The following NEDD1 variants were observed in gnomAD, a reference collection of about 807,000 sequenced individuals.
NEDD1 encodes the protein NEDD1 gamma-tubulin ring complex targeting factor, also known as protein NEDD1.
A neutral mutation model predicts 74.0 loss-of-function variants in NEDD1; 33 were observed. The ratio of observed to expected loss-of-function variants is 0.45; its 90% CI spans 0.34 to 0.60. NEDD1 has a LOEUF of 0.60. Among genes scored for constraint, NEDD1 ranks in the 20% least tolerant of loss-of-function variants. The pLI is 0.01. For missense variants in NEDD1, 746 were observed against 776.5 expected (o/e 0.96, Z 0.47); for synonymous variants, 250 against 264.4 (o/e 0.95, Z 0.53).
intron 6 of NEDD1, among the ~76,000 whole-genome samples, chr12:96,933,018 A>C (rs939980832): frequency 6.8e-6 from 1 of 146,636 alleles, no homozygotes; most frequent in African/African-American, 2.6e-5. Context: ...TTTTTTTTTA[A>C]ATAGTCTGCC....
chr12:96,932,927 T>A (rs1293499862), intron 6 of NEDD1, among the ~76,000 whole-genome samples: 1 of 151,820 alleles, frequency 6.6e-6, no homozygotes, highest in Non-Finnish European at 1.5e-5. Flanking sequence ...TTCACCTAAA[T>A]CATACAGAGG....
chr12:96,935,825 A>G (rs1294191688), intron 7 of NEDD1, among the ~76,000 whole-genome samples: 3 of 150,670 alleles, frequency 2.0e-5, no homozygotes, highest in African/African-American at 7.5e-5. Context: ...GTTAGCTAAA[A>G]AACAAAAACA....
At chr12:96,950,912 A>G (rs1878649112) in intron 14 of NEDD1, among the ~76,000 whole-genome samples, 1 of 151,938 alleles carries the variant, frequency 6.6e-6, no homozygotes, top group African/African-American at 2.4e-5. Flanking sequence ...TTTATTGAGT[A>G]AGCCATGCTA....
At chr12:96,935,395 G>A (rs1876988937) in intron 7 of NEDD1, among the ~76,000 whole-genome samples, 190 bp downstream of exon 7, 1 of 152,082 alleles carries the variant, frequency 6.6e-6, no homozygotes, top group Non-Finnish European at 1.5e-5. Context: ...GTAGTATTTA[G>A]GGTACTTCTG....
At position 96,936,607 on chromosome 12, in the gene NEDD1, A is replaced by C; in HGVS notation, c.720-4A>C. On this transcript the variant is annotated splice_polypyrimidine_tract_variant and splice_region_variant and intron_variant, in intron 7 of 15. Transcript: ENST00000266742. Reference sequence around the variant, plus strand: ...CTACACATACTTTGTTCTCCTTTCCAAAGGCTAGTGAAAACTTTAGTGGCT... The same window carrying C: ...CTACACATACTTTGTTCTCCTTTCCCAAGGCTAGTGAAAACTTTAGTGGCT... 6.2e-7 allele frequency: 1 copy of C among 1,608,258 alleles called. No individual in the cohort carries two copies. The highest frequency in any genetic ancestry group is 1.1e-5 in the South Asian group (1 of 90,960).
chr12:96,937,406 T>G lies in NEDD1; in HGVS notation c.1117+13T>G. 2 of 1,486,720 alleles carry G rather than the reference T, an allele frequency of 1.3e-6. No homozygotes were observed. The highest frequency in any genetic ancestry group is 9.1e-7 in the Non-Finnish European group (1 of 1,103,810). 92.1% of individuals were successfully genotyped at this position (1,486,720 alleles called of 1,614,324 possible). ...CAAGAAAAAGCAGGTAAATGTTGCT[T>G]ATATATTGTTGGAGGGTTGGTTTGT... is the stretch of plus-strand genomic sequence containing the variant. On this transcript the variant is annotated intron_variant, in intron 9 of 15. Transcript: ENST00000266742.
chr12:96,936,864 A>C, intron 8 of NEDD1, 52 bp downstream of exon 8: 1 of 1,131,360 alleles, frequency 8.8e-7, no homozygotes. Flanking sequence ...AATCTAACTC[A>C]GAATATGGAA....
chr12:96,921,420 A>G (rs976268890), intron 6 of NEDD1, among the ~76,000 whole-genome samples: 2 of 152,022 alleles, frequency 1.3e-5, no homozygotes, highest in Non-Finnish European at 2.9e-5. Flanking sequence ...ACCTCAGGTG[A>G]TCCACCTCCC....
rs866953381 is a variant in NEDD1 at position 96,929,209 on chromosome 12, T to C, written c.490-5767T>C. On this transcript the variant is annotated intron_variant, in intron 6 of 15. Coordinates refer to ENST00000266742, the MANE Select transcript of NEDD1 (RefSeq NM_152905.4). ...ATTTCTTTTTAACCTGTCTTTAAGG[T>C]ATTGTCTGTTGTGTTTATTCATTTT... Among the ~76,000 whole-genome samples, 221 of 151,892 alleles carry C rather than the reference T, an allele frequency of 1.5e-3. 3 individuals carry two copies. Among genetic ancestry groups the C allele is most frequent in the Non-Finnish European group, 2.6e-3 (177 of 67,956 alleles).
At chr12:96,950,281 C>T (rs7307168) in intron 14 of NEDD1, among the ~76,000 whole-genome samples, 76,938 of 151,704 alleles carry the variant, frequency 0.51, 19,891 homozygotes, top group Non-Finnish European at 0.54. Flanking sequence ...AATACTAAGT[C>T]TTGATGATAT....
Position 96,942,570 on chromosome 12 carries a change from GT to G in NEDD1, c.1247-5del. 2.1e-6 allele frequency: 3 copies of G among 1,427,868 alleles called. No individual in the cohort carries two copies. The highest frequency in any genetic ancestry group is 3.0e-6 in the Non-Finnish European group (3 of 1,014,524). 88.4% of individuals were successfully genotyped at this position (1,427,868 alleles called of 1,614,324 possible). On this transcript the variant is annotated splice_polypyrimidine_tract_variant and splice_region_variant and intron_variant, in intron 10 of 15. Coordinates refer to ENST00000266742, the MANE Select transcript of NEDD1 (RefSeq NM_152905.4). ...GTTTTAAAATTTGATTTTCTAATTT[GT>G]TATAGATGCTGTAGTTAACAAGGGA...
chr12:96,942,774 G>C, intron 11 of NEDD1, 150 bp downstream of exon 11: 1 of 577,716 alleles, frequency 1.7e-6, no homozygotes. Context: ...AGCATGACTT[G>C]GCTGAGTACC....
At chr12:96,917,884 A>C in intron 5 of NEDD1, 147 bp downstream of exon 5, 9 of 974,400 alleles carry the variant, frequency 9.2e-6, no homozygotes, top group Non-Finnish European at 1.3e-5. Flanking sequence ...TAAAGGTGCT[A>C]TTTAGCCAAA....
intron 6 of NEDD1, among the ~76,000 whole-genome samples, chr12:96,922,515 A>G (rs1875215486): frequency 6.6e-6 from 1 of 152,140 alleles, no homozygotes; most frequent in Non-Finnish European, 1.5e-5. Flanking sequence ...TTCAATTTTT[A>G]TGCTTATTGT....
intron 7 of NEDD1, among the ~76,000 whole-genome samples, chr12:96,935,741 A>T (rs1877016787): frequency 6.6e-6 from 1 of 152,116 alleles, no homozygotes; most frequent in African/African-American, 2.4e-5. Context: ...AATACTGATT[A>T]TGTACTGGTG....
chr12:96,922,329 C>T (rs1565792128), intron 6 of NEDD1, among the ~76,000 whole-genome samples: 1 of 151,944 alleles, frequency 6.6e-6, no homozygotes, highest in African/African-American at 2.4e-5. Context: ...AAGTCTAAGC[C>T]TATAAACTTT....
chr12:96,908,849 T>C (rs190164837), intron 2 of NEDD1, among the ~76,000 whole-genome samples: 1 of 152,260 alleles, frequency 6.6e-6, no homozygotes, highest in Non-Finnish European at 1.5e-5. Flanking sequence ...AAGACTCTGG[T>C]GTGGGGAGAC....
chr12:96,910,026 A>G, intron 3 of NEDD1, 131 bp downstream of exon 3: 1 of 897,842 alleles, frequency 1.1e-6, no homozygotes, highest in South Asian at 2.6e-5. Context: ...CCAAGGATAG[A>G]TAACGTAAAA....
At chr12:96,938,690 T>C (rs1201073328) in intron 9 of NEDD1, among the ~76,000 whole-genome samples, 2 of 152,094 alleles carry the variant, frequency 1.3e-5, no homozygotes. Flanking sequence ...TTTGAAATGA[T>C]TGTCATCTTA....
Sources: gnomAD v4.1 joint callset for allele counts (sites outside exome capture counted in the v4.1 genomes callset) on GRCh38, gnomAD v4.1.1 for gene constraint, MANE v1.5 for transcripts, NCBI Gene and HGNC (gene_info 2026-07-23, HGNC 2026-07-21) for gene names.